Variants in CIT observed in about 807,000 individuals in gnomAD.
CIT encodes the protein citron Rho-interacting kinase.
Under a neutral mutation model 272.7 loss-of-function variants are expected in CIT, and 79 were observed. The observed-to-expected ratio is 0.29, with a 90% CI of 0.24 to 0.35. The LOEUF (loss-of-function observed/expected upper bound fraction) is 0.35, where lower values mean the gene tolerates loss of function less well. Among genes scored for constraint, CIT ranks in the 10% least tolerant of loss-of-function variants. The probability of loss-of-function intolerance (pLI) is 1.00; values close to 1 mark genes in which losing one functional copy is unlikely to be tolerated. For missense variants in CIT, 1,909 were observed against 2,618.3 expected, an observed-to-expected ratio of 0.73 and a Z score of 5.91; for synonymous variants, 948 against 995.6, an observed-to-expected ratio of 0.95 and a Z score of 0.90.
In CIT at chr12:119,687,641, G is replaced by A. The variant is rs1955652425; in HGVS notation, c.*591C>T. On this transcript the variant is annotated 3_prime_UTR_variant, in exon 48 of 48. Transcript: ENST00000392521. ...CATCTATGAGAATGAACAGGAACAAGGATGAACCTACTTGGCTGCGGGAGG... is the reference window on the plus strand; with the variant it reads ...CATCTATGAGAATGAACAGGAACAAAGATGAACCTACTTGGCTGCGGGAGG... 1.3e-5 allele frequency: 2 copies of A among 152,472 alleles called. No homozygotes were observed. Among genetic ancestry groups the A allele is most frequent in the South Asian group, 2.1e-4 (1 of 4,832 alleles). 9.4% of individuals were successfully genotyped at this position (152,472 alleles called of 1,614,324 possible). A position where few individuals can be genotyped will look rare whatever the true frequency, so the allele number is the denominator to read the frequency against.
In CIT at chr12:119,700,501, G is replaced by A. The variant is rs60754976; in HGVS notation, c.5623+244C>T. Among the ~76,000 whole-genome samples the A allele has an allele frequency of 0.061, 9,266 of 152,158 alleles. 940 individuals are homozygous for A. The highest frequency in any genetic ancestry group is 0.21 in the African/African-American group (8,833 of 41,450). On this transcript the variant is annotated intron_variant, in intron 44 of 47. Transcript: ENST00000392521. ...GGGTTCAAGCAATTCTCCTGCCTCA[G>A]CTTCCTGAGTAGCTGGGACTACAGG...
At chr12:119,830,441 G>A (rs1001695018) in intron 7 of CIT, among the ~76,000 whole-genome samples, 3 of 151,922 alleles carry the variant, frequency 2.0e-5, no homozygotes, top group Non-Finnish European at 4.4e-5. Context: ...CCCAGACACA[G>A]AGATAGGGTC....
intron 22 of CIT, among the ~76,000 whole-genome samples, chr12:119,753,292 G>A (rs1960490171): frequency 6.6e-6 from 1 of 152,176 alleles, no homozygotes; most frequent in Non-Finnish European, 1.5e-5. Context: ...GAGGGTCGGA[G>A]AAGGCTCCTC....
At chr12:119,704,280 G>A (rs559979783) in intron 41 of CIT, 83 bp downstream of exon 41, 3 of 1,302,574 alleles carry the variant, frequency 2.3e-6, no homozygotes, top group Middle Eastern at 2.5e-4. Context: ...CTGTGTCCCA[G>A]GACAGTGCAC....
intron 24 of CIT, among the ~76,000 whole-genome samples, chr12:119,742,059 C>T (rs990899662): frequency 6.6e-6 from 1 of 152,132 alleles, no homozygotes; most frequent in African/African-American, 2.4e-5. Flanking sequence ...AGTCTCTGAC[C>T]TGGGCTAGCC....
At chr12:119,726,492 A>C (rs1958118716) in intron 28 of CIT, among the ~76,000 whole-genome samples, 1 of 138,258 alleles carries the variant, frequency 7.2e-6, no homozygotes, top group Admixed American at 8.5e-5. Flanking sequence ...TCAGCCACCC[A>C]TATTTTTTAA....
chr12:119,686,936 A>C lies in CIT; in HGVS notation c.*1296T>G, dbSNP rs983026757. On this transcript the variant is annotated 3_prime_UTR_variant, in exon 48 of 48. Coordinates refer to ENST00000392521, the MANE Select transcript of CIT (RefSeq NM_001206999.2). ...TAGGTCTAGCCCTAGGGAAAGGCTCATTTGGAAAGTCACAGTTTCGTGGGG... is the reference window on the plus strand; with the variant it reads ...TAGGTCTAGCCCTAGGGAAAGGCTCCTTTGGAAAGTCACAGTTTCGTGGGG... The C allele has an allele frequency of 1.3e-5, 2 of 152,650 alleles. No individual in the cohort carries two copies. The highest frequency in any genetic ancestry group is 4.8e-5 in the African/African-American group (2 of 41,454). 9.5% of individuals were successfully genotyped at this position (152,650 alleles called of 1,614,324 possible).
chr12:119,823,394 C>T (rs1283930879), intron 8 of CIT, among the ~76,000 whole-genome samples: 3 of 152,160 alleles, frequency 2.0e-5, no homozygotes, highest in East Asian at 1.9e-4. Flanking sequence ...ACACACAATG[C>T]GCTGTGATTT....
Position 119,730,634 on chromosome 12 carries a change from C to T in CIT, c.3351-4G>A, listed in dbSNP as rs1958384833. On this transcript the variant is annotated splice_polypyrimidine_tract_variant and splice_region_variant and intron_variant, in intron 26 of 47. Coordinates refer to ENST00000392521, the MANE Select transcript of CIT (RefSeq NM_001206999.2). ...GATCCGCTGATCGGCTCTCGCCCTG[C>T]CAGAAAGACACAGGTCAGCTTTTGG... is the stretch of plus-strand genomic sequence containing the variant. 2 of 1,612,610 alleles carry T rather than the reference C, an allele frequency of 1.2e-6. No homozygotes were observed. Among genetic ancestry groups the T allele is most frequent in the South Asian group, 1.1e-5 (1 of 90,926 alleles).
intron 5 of CIT, among the ~76,000 whole-genome samples, chr12:119,839,984 C>A (rs1427903064): frequency 6.6e-6 from 1 of 152,112 alleles, no homozygotes. Flanking sequence ...AAATGAGGTC[C>A]CTACACCAGC....
intron 25 of CIT, among the ~76,000 whole-genome samples, chr12:119,734,905 C>T (rs1336284601): frequency 6.6e-6 from 1 of 152,138 alleles, no homozygotes; most frequent in Non-Finnish European, 1.5e-5. Flanking sequence ...TCTGCCTCGG[C>T]CTCCCAAAGT....
intron 32 of CIT, among the ~76,000 whole-genome samples, chr12:119,716,817 A>G (rs1055699886): frequency 6.6e-5 from 10 of 152,172 alleles, no homozygotes. Context: ...GTTTACAGTA[A>G]CAGGGGATTG....
rs915513218 is a variant in CIT at position 119,857,638 on chromosome 12, C to A, written c.299G>T (p.Arg100Ile). Residue 100 changes from arginine (R) to isoleucine (I), a missense_variant, in exon 4 of 48, where the codon AGA (arginine) becomes ATA (isoleucine). This residue lies in a region of CIT where 529 missense variants were observed against 549.6 expected (regional missense o/e 0.96). Coordinates refer to ENST00000392521, the MANE Select transcript of CIT (RefSeq NM_001206999.2). Reference sequence around the variant, plus strand: ...AAAGTGACCACAACCTACAAGACTTCTGACTTCGAAGTCCTTTGCCGAAGG... The same window carrying A: ...AAAGTGACCACAACCTACAAGACTTATGACTTCGAAGTCCTTTGCCGAAGG... ...LQPSAKDFEVRSLVGCGHFAE... is the reference protein window; with the variant it reads ...LQPSAKDFEVISLVGCGHFAE... 10 of 1,614,184 alleles carry A rather than the reference C, an allele frequency of 6.2e-6. No homozygotes were observed. The highest frequency in any genetic ancestry group is 6.8e-6 in the Non-Finnish European group (8 of 1,180,044).
At chr12:119,800,994 C>T (rs538877502) in intron 10 of CIT, among the ~76,000 whole-genome samples, 52 of 152,256 alleles carry the variant, frequency 3.4e-4, no homozygotes, top group African/African-American at 1.1e-3. Flanking sequence ...CATAACAAGA[C>T]GCAAGATGAA....
intron 17 of CIT, 28 bp downstream of exon 17, chr12:119,772,742 G>A: frequency 1.3e-6 from 2 of 1,589,264 alleles, no homozygotes; most frequent in Non-Finnish European, 1.7e-6. Flanking sequence ...GAGGCCGCTG[G>A]GGCCTGGGCT....
intron 40 of CIT, among the ~76,000 whole-genome samples, chr12:119,705,995 A>G (rs2137019300): frequency 6.7e-6 from 1 of 149,106 alleles, no homozygotes; most frequent in African/African-American, 2.5e-5. Context: ...GAGGCTGAAG[A>G]GGGAGAATCG....
At position 119,804,443 on chromosome 12, in the gene CIT, A is replaced by AC. The variant is rs1414007994; in HGVS notation, c.1112-1055dup. 17 of 985,664 alleles carry AC rather than the reference A, an allele frequency of 1.7e-5. No individual in the cohort carries two copies. The highest frequency in any genetic ancestry group is 1.9e-5 in the Non-Finnish European group (16 of 830,200). 61.1% of individuals were successfully genotyped at this position (985,664 alleles called of 1,614,324 possible). ...TCCGTGCGTGCGTGCTCTGGCTGGA[A>AC]CCCCACCTGGCTGCCGCCTGCCTGC... is the stretch of plus-strand genomic sequence containing the variant. On this transcript the variant is annotated intron_variant, in intron 9 of 47. Transcript: ENST00000392521. This position sits in a 1 kb window ranked among gnomAD's most constrained non-coding sequence, Gnocchi z 5.3.
chr12:119,709,404 G>T (rs1957040015), intron 39 of CIT, among the ~76,000 whole-genome samples: 1 of 151,460 alleles, frequency 6.6e-6, no homozygotes, highest in African/African-American at 2.4e-5. Flanking sequence ...TGAGAACGGG[G>T]GTATATGGGA....
At chr12:119,837,431 G>C (rs970021765) in intron 5 of CIT, among the ~76,000 whole-genome samples, 1 of 152,148 alleles carries the variant, frequency 6.6e-6, no homozygotes, top group South Asian at 2.1e-4. Context: ...TTGTTAAAAT[G>C]GTACCAAGAG....
Sources: allele counts gnomAD v4.1 joint callset (sites outside exome capture counted in the v4.1 genomes callset), GRCh38; gene constraint gnomAD v4.1.1; regional missense constraint gnomAD v4.1.1; non-coding constraint Gnocchi (gnomAD v3.1); transcripts MANE v1.5; gene names NCBI Gene and HGNC (gene_info 2026-07-23, HGNC 2026-07-21).